The following LAPTM4B variants were observed in gnomAD, a reference collection of about 807,000 sequenced individuals.
LAPTM4B encodes lysosomal-associated transmembrane protein 4B.
Under a neutral mutation model 28.5 loss-of-function variants are expected in LAPTM4B, and 26 were observed. The observed-to-expected ratio is 0.91, with a 90% CI of 0.67 to 1.27. The LOEUF is 1.27. LAPTM4B is among the 50% of genes most tolerant of loss of function. The pLI, the probability that LAPTM4B is intolerant of heterozygous loss-of-function variation, is 0.00. For synonymous variants in LAPTM4B, 109 were observed against 106.4 expected, an observed-to-expected ratio of 1.02 and a Z score of -0.15; for missense variants, 288 against 285.8, an observed-to-expected ratio of 1.01 and a Z score of -0.06.
chr8:97,811,847 C>T (rs1816832718), intron 2 of LAPTM4B, among the ~76,000 whole-genome samples: 1 of 152,146 alleles, frequency 6.6e-6, no homozygotes, highest in Non-Finnish European at 1.5e-5. Flanking sequence ...GCTCTGTCGC[C>T]CAGGCTGGAG....
intron 1 of LAPTM4B, among the ~76,000 whole-genome samples, chr8:97,795,653 G>A (rs1816568926): frequency 6.6e-6 from 1 of 151,926 alleles, no homozygotes; most frequent in African/African-American, 2.4e-5. Context: ...AGGAGTTTGA[G>A]ACCAGCCTGG....
intron 5 of LAPTM4B, among the ~76,000 whole-genome samples, chr8:97,822,833 A>G (rs1022309949): frequency 1.5e-4 from 18 of 116,834 alleles, no homozygotes; most frequent in African/African-American, 5.4e-4. Flanking sequence ...ATACTCTTTT[A>G]GTTATTTTTT....
chr8:97,838,240 A>G (rs1428819723), intron 6 of LAPTM4B, among the ~76,000 whole-genome samples: 1 of 152,106 alleles, frequency 6.6e-6, no homozygotes, highest in Non-Finnish European at 1.5e-5. Flanking sequence ...GTAGGGTAAC[A>G]CCTTGAACGT....
chr8:97,799,988 C>T (rs1016993002), intron 1 of LAPTM4B, among the ~76,000 whole-genome samples: 2 of 152,200 alleles, frequency 1.3e-5, no homozygotes, highest in African/African-American at 4.8e-5. Flanking sequence ...GCTCCCATCT[C>T]TGTTGCAGGT....
Position 97,820,269 on chromosome 8 carries a change from A to G in LAPTM4B, c.507+1031A>G, listed in dbSNP as rs559277036. ...AACTCTCATGGCTCTTTATGCTTTCAACTTTTTTCTTTTTTTATTTATTTT... is the reference window on the plus strand; with the variant it reads ...AACTCTCATGGCTCTTTATGCTTTCGACTTTTTTCTTTTTTTATTTATTTT... On this transcript the variant is annotated intron_variant, in intron 5 of 6. Coordinates refer to ENST00000521545, the MANE Select transcript of LAPTM4B (RefSeq NM_018407.6). Among the ~76,000 whole-genome samples, 511 of 148,116 alleles carry G rather than the reference A, an allele frequency of 3.4e-3. 2 individuals carry two copies. Among genetic ancestry groups the G allele is most frequent in the Non-Finnish European group, 6.4e-3 (431 of 66,966 alleles).
intron 1 of LAPTM4B, among the ~76,000 whole-genome samples, chr8:97,792,408 C>T (rs1020796592): frequency 5.3e-5 from 8 of 152,134 alleles, no homozygotes; most frequent in Admixed American, 5.2e-4. Context: ...GTGCGAGCCA[C>T]CACAACCAGC....
At chr8:97,807,443 A>G (rs965485443) in intron 2 of LAPTM4B, among the ~76,000 whole-genome samples, 4 of 152,192 alleles carry the variant, frequency 2.6e-5, no homozygotes, top group African/African-American at 9.7e-5. Flanking sequence ...TGTGAGGATT[A>G]AATGAGTTAG....
chr8:97,829,546 G>A (rs28825537), intron 6 of LAPTM4B, among the ~76,000 whole-genome samples: 21,001 of 152,064 alleles, frequency 0.14, 3,151 homozygotes, highest in African/African-American at 0.37. Flanking sequence ...GCAGCAATGG[G>A]GATAGTTGTC....
intron 2 of LAPTM4B, among the ~76,000 whole-genome samples, chr8:97,809,741 G>C (rs576891146): frequency 6.6e-6 from 1 of 152,138 alleles, no homozygotes; most frequent in African/African-American, 2.4e-5. Flanking sequence ...ATTTTATCTT[G>C]ATATCTTTTT....
chr8:97,805,383 T>C lies in LAPTM4B; in HGVS notation c.130T>C (p.Leu44=). ...CAATGCTGTGGTACTGTTGATTTTA[T>C]TGAGTGCCCTGGCTGATCCGGATCA... is the stretch of plus-strand genomic sequence containing the variant. The part of the protein sequence containing the change: ...IINAVVLLIL[L]SALADPDQYN... Residue 44 remains leucine (L), a synonymous_variant, in exon 2 of 7, where the codon TTG becomes CTG. Transcript: ENST00000521545. The C allele has an allele frequency of 6.2e-7, 1 of 1,610,968 alleles. No individual in the cohort carries two copies. Among genetic ancestry groups the C allele is most frequent in the Non-Finnish European group, 8.5e-7 (1 of 1,177,746 alleles).
intron 1 of LAPTM4B, among the ~76,000 whole-genome samples, chr8:97,790,823 T>C (rs1563602914): frequency 6.6e-6 from 1 of 152,170 alleles, no homozygotes. Flanking sequence ...CACCGCAACT[T>C]TCGCCTCCTG....
intron 1 of LAPTM4B, among the ~76,000 whole-genome samples, chr8:97,777,946 T>C (rs1339358751): frequency 2.0e-5 from 3 of 152,234 alleles, no homozygotes; most frequent in Non-Finnish European, 2.9e-5. Context: ...GAGAACGTAA[T>C]TTGTAAAATC....
intron 1 of LAPTM4B, among the ~76,000 whole-genome samples, chr8:97,794,053 C>G (rs1391915249): frequency 2.0e-5 from 3 of 152,186 alleles, no homozygotes; most frequent in Admixed American, 6.5e-5. Flanking sequence ...AGTCTTGCCT[C>G]ACTGCAGCCT....
chr8:97,794,992 G>T (rs529118022), intron 1 of LAPTM4B, among the ~76,000 whole-genome samples: 1 of 152,220 alleles, frequency 6.6e-6, no homozygotes. Flanking sequence ...GATTACAGGC[G>T]TGAGCCGCCA....
chr8:97,815,459 G>C (rs985189816), intron 3 of LAPTM4B, 58 bp downstream of exon 3: 12 of 1,175,750 alleles, frequency 1.0e-5, no homozygotes, highest in Middle Eastern at 2.0e-4. Context: ...TGTGTAATCT[G>C]TGCTGCTGTC....
At chr8:97,821,230 G>A (rs1816997045) in intron 5 of LAPTM4B, among the ~76,000 whole-genome samples, 4 of 150,334 alleles carry the variant, frequency 2.7e-5, no homozygotes, top group Admixed American at 2.7e-4. Flanking sequence ...CAGCTACTTG[G>A]GAGGCTGAGG....
chr8:97,843,024 A>G (rs1383731658), intron 6 of LAPTM4B, among the ~76,000 whole-genome samples: 2 of 151,906 alleles, frequency 1.3e-5, no homozygotes, highest in East Asian at 1.9e-4. Flanking sequence ...GACTACAGGC[A>G]TATGCCATCA....
At chr8:97,807,273 A>G (rs1816769673) in intron 2 of LAPTM4B, among the ~76,000 whole-genome samples, 1 of 152,142 alleles carries the variant, frequency 6.6e-6, no homozygotes, top group Admixed American at 6.5e-5. Flanking sequence ...TAAACGATAG[A>G]AAGTAATTAC....
intron 1 of LAPTM4B, among the ~76,000 whole-genome samples, chr8:97,787,396 C>T (rs1371161085): frequency 6.6e-6 from 1 of 151,640 alleles, no homozygotes. Context: ...CGCCATTCTC[C>T]TGCCTCAGCC....
Sources: gnomAD v4.1 joint callset for allele counts (sites outside exome capture counted in the v4.1 genomes callset) on GRCh38, gnomAD v4.1.1 for gene constraint, MANE v1.5 for transcripts, NCBI Gene and HGNC (gene_info 2026-07-23, HGNC 2026-07-21) for gene names.